The following LANCL2 variants were observed in gnomAD, a reference collection of about 807,000 sequenced individuals.
The protein encoded by LANCL2 is LanC like glutathione S-transferase 2.
LANCL2 carries 33 observed loss-of-function variants against 56.9 expected under a neutral mutation model. That is an observed-to-expected ratio of 0.58 (90% CI 0.44 to 0.78). The LOEUF (loss-of-function observed/expected upper bound fraction) is 0.78, where lower values mean the gene tolerates loss of function less well. Among genes scored for constraint, LANCL2 ranks in the 30% least tolerant of loss-of-function variants. The pLI, the probability that LANCL2 is intolerant of heterozygous loss-of-function variation, is 0.00. For synonymous variants in LANCL2, 233 were observed against 228.2 expected (o/e 1.02, Z -0.19); for missense variants, 562 against 580.2 (o/e 0.97, Z 0.32).
At chr7:55,387,249 G>A (rs997403692) in intron 1 of LANCL2, among the ~76,000 whole-genome samples, 13 of 152,202 alleles carry the variant, frequency 8.5e-5, no homozygotes, top group Admixed American at 7.9e-4. Flanking sequence ...AGTGTGAGAC[G>A]TTTTTGATTA....
At chr7:55,423,015 T>C (rs815972) in intron 6 of LANCL2, among the ~76,000 whole-genome samples, 135,093 of 152,258 alleles carry the variant, frequency 0.89, 60,286 homozygotes, top group African/African-American at 0.95. Flanking sequence ...TGCTGTCTTT[T>C]CACACTTTCT....
chr7:55,403,457 G>T (rs1182191985), intron 5 of LANCL2, among the ~76,000 whole-genome samples: 2 of 151,726 alleles, frequency 1.3e-5, no homozygotes, highest in Admixed American at 1.3e-4. Flanking sequence ...GGGAGAGGGA[G>T]AGGAGGGAGA....
intron 1 of LANCL2, among the ~76,000 whole-genome samples, chr7:55,367,687 T>G (rs1789891095): frequency 6.6e-6 from 1 of 152,192 alleles, no homozygotes; most frequent in Non-Finnish European, 1.5e-5. Context: ...ATTGCGCCAT[T>G]GCACTCCAGC....
At chr7:55,402,119 C>A (rs1203308099) in intron 5 of LANCL2, among the ~76,000 whole-genome samples, 1 of 139,396 alleles carries the variant, frequency 7.2e-6, no homozygotes, top group Non-Finnish European at 1.6e-5. Flanking sequence ...TAGGGGCGGC[C>A]GGGCAGAGGC....
chr7:55,377,564 T>C (rs560127561), intron 1 of LANCL2, among the ~76,000 whole-genome samples: 1 of 152,124 alleles, frequency 6.6e-6, no homozygotes, highest in African/African-American at 2.4e-5. Context: ...CATGAAAACA[T>C]TGTGAGGAAG....
intron 5 of LANCL2, among the ~76,000 whole-genome samples, chr7:55,410,055 C>T (rs956167755): frequency 2.0e-5 from 3 of 152,098 alleles, no homozygotes; most frequent in South Asian, 2.1e-4. Context: ...CAAGGGGAAA[C>T]CTAGAATCAG....
At chr7:55,386,132 G>A (rs1207956443) in intron 1 of LANCL2, among the ~76,000 whole-genome samples, 3 of 152,028 alleles carry the variant, frequency 2.0e-5, no homozygotes, top group Admixed American at 2.0e-4. Context: ...CACACATGCT[G>A]TACAATTTGT....
At position 55,417,527 on chromosome 7, in the gene LANCL2, T is replaced by C. The variant is rs967345115; in HGVS notation, c.1008+5438T>C. ...GATCAGGTAACTTAAGACCTCACTT[T>C]GTTCTTTTTCAGAATCACTTTGAAT... On this transcript the variant is annotated intron_variant, in intron 6 of 8. Transcript: ENST00000254770. Among the ~76,000 whole-genome samples, 6 of 152,334 alleles carry C rather than the reference T, an allele frequency of 3.9e-5. No homozygotes were observed. In the East Asian group the frequency reaches 1.2e-3, roughly 29 times the overall value.
At chr7:55,415,807 G>A (rs1015606258) in intron 6 of LANCL2, among the ~76,000 whole-genome samples, 5 of 151,784 alleles carry the variant, frequency 3.3e-5, no homozygotes, top group African/African-American at 1.2e-4. Context: ...TAGAGACGGG[G>A]TTTCACCATG....
intron 1 of LANCL2, among the ~76,000 whole-genome samples, chr7:55,381,105 A>G (rs1790063650): frequency 6.6e-6 from 1 of 152,076 alleles, no homozygotes; most frequent in Non-Finnish European, 1.5e-5. Flanking sequence ...TCCTGACCTC[A>G]GGTGTTCTAC....
chr7:55,399,842 A>G, intron 3 of LANCL2, 115 bp from the exon 4 acceptor site: 1 of 808,206 alleles, frequency 1.2e-6, no homozygotes, highest in East Asian at 2.7e-5. Flanking sequence ...TTTAAAAATA[A>G]TTGTTTTAAA....
rs1790749135 is a variant in LANCL2 at position 55,433,050 on chromosome 7, A to C, written c.*1730A>C. Reference sequence around the variant, plus strand: ...CCCATCCTCCCCACCCACCACATCAAAACATAACACATCACAGCACTCAGT... The same window carrying C: ...CCCATCCTCCCCACCCACCACATCACAACATAACACATCACAGCACTCAGT... On this transcript the variant is annotated 3_prime_UTR_variant, in exon 9 of 9. Coordinates refer to ENST00000254770, the MANE Select transcript of LANCL2 (RefSeq NM_018697.4). The C allele has an allele frequency of 6.6e-6, 1 of 152,368 alleles. No individual in the cohort carries two copies. The highest frequency in any genetic ancestry group is 1.5e-5 in the Non-Finnish European group (1 of 68,098). The allele number at this position is 152,368 out of a possible 1,614,324, so 9.4% of individuals were successfully genotyped here.
At position 55,431,659 on chromosome 7, in the gene LANCL2, T is replaced by C. The variant is rs1177578954; in HGVS notation, c.*339T>C. ...ATGAATGTATGGCAGTGTCCACTTT[T>C]CTGTATAAAATGTATAAAGTGGGGT... On this transcript the variant is annotated 3_prime_UTR_variant, in exon 9 of 9. Transcript: ENST00000254770. 4 of 210,584 alleles carry C rather than the reference T, an allele frequency of 1.9e-5. No individual in the cohort carries two copies. In the Admixed American group the frequency reaches 2.3e-4, roughly 12 times the overall value. 13.0% of individuals were successfully genotyped at this position (210,584 alleles called of 1,614,324 possible).
rs1306647117 is a variant in LANCL2, at chr7:55,432,638, A to G, written c.*1318A>G. The G allele has an allele frequency of 6.7e-6, 1 of 149,670 alleles. No individual in the cohort carries two copies. Among genetic ancestry groups the G allele is most frequent in the East Asian group, 1.9e-4 (1 of 5,186 alleles). The allele number at this position is 149,670 out of a possible 1,614,324, so 9.3% of individuals were successfully genotyped here. On this transcript the variant is annotated 3_prime_UTR_variant, in exon 9 of 9. Coordinates refer to ENST00000254770, the MANE Select transcript of LANCL2 (RefSeq NM_018697.4). ...CTTGTCTGCAGGGGGAGGCCTGAGC[A>G]TTTCCCAGCCCCAGTGTCCACACCT...
rs964561827 is a variant in LANCL2 at position 55,431,424 on chromosome 7, C to T, written c.*104C>T. The T allele has an allele frequency of 1.1e-5, 8 of 727,170 alleles. No individual in the cohort carries two copies. Among genetic ancestry groups the T allele is most frequent in the South Asian group, 1.9e-5 (1 of 53,264 alleles). 45.0% of individuals were successfully genotyped at this position (727,170 alleles called of 1,614,324 possible). ...GGGAATCCTGAAAGAGAAGCAGACACCGTCACAGGCCCCTCTGGTTAGACT... is the reference window on the plus strand; with the variant it reads ...GGGAATCCTGAAAGAGAAGCAGACATCGTCACAGGCCCCTCTGGTTAGACT... On this transcript the variant is annotated 3_prime_UTR_variant, in exon 9 of 9. Coordinates refer to ENST00000254770, the MANE Select transcript of LANCL2 (RefSeq NM_018697.4).
Position 55,377,134 on chromosome 7 carries a change from T to G in LANCL2, c.204+10905T>G, listed in dbSNP as rs1029800600. ...TAAAATATTTGTAAAATTGTAAAAA[T>G]TTATAAAATCTACCCTTTATTTTTT... On this transcript the variant is annotated intron_variant, in intron 1 of 8. Transcript: ENST00000254770. Among the ~76,000 whole-genome samples, 4 of 152,286 alleles carry G rather than the reference T, an allele frequency of 2.6e-5. No homozygotes were observed. The East Asian group carries it at 7.7e-4, about 29-fold the overall frequency.
chr7:55,406,353 T>C (rs1163253516), intron 5 of LANCL2, among the ~76,000 whole-genome samples: 2 of 152,174 alleles, frequency 1.3e-5, no homozygotes, highest in African/African-American at 2.4e-5. Context: ...CAGGAACAAG[T>C]GCTGGCTGCT....
At chr7:55,379,669 A>T (rs1790043626) in intron 1 of LANCL2, 1 of 152,726 alleles carries the variant, frequency 6.5e-6, no homozygotes, top group Non-Finnish European at 1.5e-5. Context: ...GTCAAGACAC[A>T]GGAGGCCTAA....
At chr7:55,378,121 G>A (rs1790023776) in intron 1 of LANCL2, among the ~76,000 whole-genome samples, 1 of 152,192 alleles carries the variant, frequency 6.6e-6, no homozygotes, top group African/African-American at 2.4e-5. Flanking sequence ...AAAGCACTTA[G>A]TGCCAGGTAC....
Sources: allele counts gnomAD v4.1 joint callset (sites outside exome capture counted in the v4.1 genomes callset), GRCh38; gene constraint gnomAD v4.1.1; transcripts MANE v1.5; gene names NCBI Gene and HGNC (gene_info 2026-07-23, HGNC 2026-07-21).